SLC26A5: variants seen among roughly 807,000 people sequenced by gnomAD.
The protein encoded by SLC26A5 is prestin.
Under a neutral mutation model 81.0 loss-of-function variants are expected in SLC26A5, and 51 were observed. That is an observed-to-expected ratio of 0.63 (90% CI 0.50 to 0.80). The LOEUF (loss-of-function observed/expected upper bound fraction) is 0.80. Ranked by LOEUF, SLC26A5 falls within the 30% of genes least tolerant of loss-of-function variation. The pLI, the probability that SLC26A5 is intolerant of heterozygous loss-of-function variation, is 0.00. For synonymous variants in SLC26A5, 325 were observed against 332.8 expected (o/e 0.98, Z 0.25); for missense variants, 771 against 905.8 (o/e 0.85, Z 1.91).
Position 103,421,310 on chromosome 7 carries a change from G to A in SLC26A5, c.152+53C>T, listed in dbSNP as rs533891215. On this transcript the variant is annotated intron_variant, in intron 3 of 19. Transcript: ENST00000306312. ...ATTTTCTTTACACATTTGACCTTGC[G>A]CCTCTCATAACTGAATGATACAATA... 2.3e-4 allele frequency: 365 copies of A among 1,591,616 alleles called. 1 individual carries two copies. The highest frequency in any genetic ancestry group is 6.2e-4 in the South Asian group (56 of 90,258).
intron 5 of SLC26A5, among the ~76,000 whole-genome samples, chr7:103,412,169 G>A (rs1325852197): frequency 6.6e-6 from 1 of 152,206 alleles, no homozygotes; most frequent in South Asian, 2.1e-4. Flanking sequence ...GATTGTTGTT[G>A]TAAAGCTGCT....
intron 4 of SLC26A5, among the ~76,000 whole-genome samples, chr7:103,415,432 C>A (rs1182965400): frequency 6.6e-6 from 1 of 152,148 alleles, no homozygotes; most frequent in African/African-American, 2.4e-5. Context: ...CCCCCACCCC[C>A]ACTTCTGGCA....
chr7:103,430,076 C>CT lies in SLC26A5; in HGVS notation c.-53-8510dup, dbSNP rs34122107. Among the ~76,000 whole-genome samples, 507 of 137,186 alleles carry CT rather than the reference C, an allele frequency of 3.7e-3. 4 individuals are homozygous for CT. The highest frequency in any genetic ancestry group is 0.015 in the South Asian group (65 of 4,336). 90.0% of individuals were successfully genotyped at this position (137,186 alleles called of 152,430 possible). On this transcript the variant is annotated intron_variant, in intron 2 of 19. Transcript: ENST00000306312. ...CTGTGTTTGAAGGCTGGAAATGGCA[C>CT]TTTTTTTTTTTTTTTTTTTGAAATA...
chr7:103,364,981 A>ATATTTATTTATT (rs1554575488), intron 19 of SLC26A5, among the ~76,000 whole-genome samples: 6 of 140,802 alleles, frequency 4.3e-5, no homozygotes, highest in African/African-American at 1.6e-4. Context: ...ATATATATAT[A>ATATTTATTTATT]TATTTAGAGA....
chr7:103,444,367 G>A (rs1827115238), intron 1 of SLC26A5, among the ~76,000 whole-genome samples: 1 of 152,092 alleles, frequency 6.6e-6, no homozygotes, highest in South Asian at 2.1e-4. Context: ...TTTCACTTGG[G>A]TTACTAAAAT....
In SLC26A5 at chr7:103,364,450, C is replaced by T. The variant is rs1362617233; in HGVS notation, c.2042-11524G>A. ...TTGAGACAGAGTCTCATTGTGTTGC[C>T]CAGGCTGGAGTGCAGTGACATGATC... On this transcript the variant is annotated intron_variant, in intron 19 of 19. Coordinates refer to the SLC26A5 transcript ENST00000339444. 32 of 923,796 alleles carry T rather than the reference C, an allele frequency of 3.5e-5. No individual in the cohort carries two copies. In the Admixed American group the frequency reaches 7.6e-4, roughly 22 times the overall value. 57.2% of individuals were successfully genotyped at this position (923,796 alleles called of 1,614,324 possible).
At chr7:103,355,816 A>T (rs1386920889) in intron 19 of SLC26A5, 1 of 1,528,378 alleles carries the variant, frequency 6.5e-7, no homozygotes. Flanking sequence ...GCTCTGTGGC[A>T]ACTTACCTTT....
intron 19 of SLC26A5, among the ~76,000 whole-genome samples, chr7:103,365,350 G>T (rs773044515): frequency 3.3e-5 from 5 of 152,128 alleles, no homozygotes; most frequent in African/African-American, 4.8e-5. Context: ...AGTTTAGATA[G>T]GCCAGGCACG....
At chr7:103,394,298 T>G (rs1822911105) in intron 9 of SLC26A5, among the ~76,000 whole-genome samples, 1 of 152,236 alleles carries the variant, frequency 6.6e-6, no homozygotes, top group Non-Finnish European at 1.5e-5. Context: ...GTTCTACTAT[T>G]ATCCCAATTT....
Position 103,367,740 on chromosome 7 carries a change from G to A in SLC26A5, c.2041+9068C>T, listed in dbSNP as rs745807754. On this transcript the variant is annotated intron_variant, in intron 19 of 19. Transcript: ENST00000339444. The surrounding 1 kb of genome is among the most constrained non-coding windows in gnomAD (Gnocchi z 6.1). ...TCGGACCCACATATTTAAGATTCAC[G>A]CTCGTTCAATGAGTGTTGAAAGAGA... is the stretch of plus-strand genomic sequence containing the variant. The A allele has an allele frequency of 1.1e-5, 18 of 1,613,488 alleles. No individual in the cohort carries two copies. Among genetic ancestry groups the A allele is most frequent in the African/African-American group, 2.7e-5 (2 of 74,814 alleles).
At chr7:103,362,187 T>G in intron 19 of SLC26A5, 1 of 1,555,628 alleles carries the variant, frequency 6.4e-7, no homozygotes, top group Non-Finnish European at 8.6e-7. Flanking sequence ...CTGAGTTCCT[T>G]GGAATACCAA....
At chr7:103,395,376 C>A (rs1823004897) in intron 9 of SLC26A5, among the ~76,000 whole-genome samples, 3 of 116,280 alleles carry the variant, frequency 2.6e-5, no homozygotes, top group Admixed American at 1.1e-4. Context: ...TAAGCTGTCA[C>A]ATACAGAAGG....
chr7:103,429,240 A>G (rs1191227049), intron 2 of SLC26A5, among the ~76,000 whole-genome samples: 2 of 152,240 alleles, frequency 1.3e-5, no homozygotes, highest in African/African-American at 4.8e-5. Context: ...CGGAGGTATC[A>G]GAAAAGAGTG....
intron 16 of SLC26A5, 54 bp downstream of exon 16, chr7:103,379,189 C>T: frequency 4.0e-6 from 5 of 1,234,814 alleles, no homozygotes; most frequent in East Asian, 2.3e-5. Flanking sequence ...ATCCTCATAT[C>T]CCTGTCAACC....
intron 2 of SLC26A5, among the ~76,000 whole-genome samples, chr7:103,437,235 A>G (rs1323255434): frequency 6.6e-6 from 1 of 152,246 alleles, no homozygotes; most frequent in Non-Finnish European, 1.5e-5. Flanking sequence ...ACAATGATAC[A>G]TAATGTCACC....
At chr7:103,364,974 TA>T in intron 19 of SLC26A5, among the ~76,000 whole-genome samples, 2 of 145,148 alleles carry the variant, frequency 1.4e-5, no homozygotes, top group Non-Finnish European at 1.5e-5. Flanking sequence ...TATATATATA[TA>T]TATATATATT....
At chr7:103,365,906 C>T (rs1028988945) in intron 19 of SLC26A5, among the ~76,000 whole-genome samples, 8 of 151,822 alleles carry the variant, frequency 5.3e-5, no homozygotes, top group African/African-American at 1.5e-4. Context: ...CCAGCCTGGG[C>T]GACAGAGGAA....
chr7:103,385,011 T>C (rs1822073049), intron 14 of SLC26A5, among the ~76,000 whole-genome samples: 1 of 152,148 alleles, frequency 6.6e-6, no homozygotes, highest in Admixed American at 6.5e-5. Flanking sequence ...AACAAATACC[T>C]ATTTAGAGAA....
intron 10 of SLC26A5, among the ~76,000 whole-genome samples, chr7:103,392,483 A>G (rs373064048): frequency 1.2e-4 from 19 of 152,364 alleles, no homozygotes; most frequent in African/African-American, 4.6e-4. Context: ...TGCAGACTGA[A>G]TAAGTACATG....
Sources: allele counts gnomAD v4.1 joint callset (sites outside exome capture counted in the v4.1 genomes callset), GRCh38; gene constraint gnomAD v4.1.1; non-coding constraint Gnocchi (gnomAD v3.1); transcripts MANE v1.5; gene names NCBI Gene and HGNC (gene_info 2026-07-23, HGNC 2026-07-21).